The following GUCY1A2 variants were observed in gnomAD, a reference collection of about 807,000 sequenced individuals.
The protein encoded by GUCY1A2 is guanylate cyclase 1 soluble subunit alpha 2, also known as guanylate cyclase soluble subunit alpha-2.
In GUCY1A2, 27 loss-of-function variants were observed where a neutral mutation model predicts 63.5. The observed-to-expected ratio is 0.43, with a 90% CI of 0.31 to 0.59. GUCY1A2 has a LOEUF of 0.59. Ranked by LOEUF, GUCY1A2 falls within the 20% of genes least tolerant of loss-of-function variation. GUCY1A2 has a pLI of 0.11. For synonymous variants in GUCY1A2, 364 were observed against 343.5 expected (o/e 1.06, Z -0.66); for missense variants, 768 against 913.3 (o/e 0.84, Z 2.05).
At position 106,809,986 on chromosome 11, in the gene GUCY1A2, C is replaced by T. The variant is rs1428200948; in HGVS notation, c.1692+7G>A. ...ACATTTATATGTAAGTAACTAAACT[C>T]CCTTACCTTATAAATATCCAAAAAT... On this transcript the variant is annotated splice_region_variant and intron_variant, in intron 5 of 7. Coordinates refer to ENST00000526355, the MANE Select transcript of GUCY1A2 (RefSeq NM_000855.3). 6.4e-7 allele frequency: 1 copy of T among 1,572,478 alleles called. No individual in the cohort carries two copies. The highest frequency in any genetic ancestry group is 8.7e-7 in the Non-Finnish European group (1 of 1,145,646).
intron 4 of GUCY1A2, among the ~76,000 whole-genome samples, chr11:106,922,850 G>A (rs552794758): frequency 4.6e-5 from 7 of 151,644 alleles, no homozygotes; most frequent in Admixed American, 4.6e-4. Flanking sequence ...TGGAATAAAC[G>A]TTCAAAAATG....
chr11:106,696,716 T>G (rs2135340066), intron 7 of GUCY1A2, among the ~76,000 whole-genome samples: 1 of 152,236 alleles, frequency 6.6e-6, no homozygotes, highest in South Asian at 2.1e-4. Context: ...AGGGCATACT[T>G]TTTTCCTTTT....
chr11:106,940,850 C>T (rs1446615353), intron 3 of GUCY1A2, among the ~76,000 whole-genome samples: 7 of 152,086 alleles, frequency 4.6e-5, no homozygotes, highest in Non-Finnish European at 8.8e-5. Context: ...TTAATGATTT[C>T]CCCATTCTTC....
At chr11:106,861,462 C>T (rs1565312734) in intron 4 of GUCY1A2, among the ~76,000 whole-genome samples, 1 of 151,844 alleles carries the variant, frequency 6.6e-6, no homozygotes, top group Non-Finnish European at 1.5e-5. Flanking sequence ...ATAAACTTCC[C>T]ATTTGTCAGC....
chr11:106,937,676 C>A (rs2119968305), intron 4 of GUCY1A2, among the ~76,000 whole-genome samples: 1 of 152,262 alleles, frequency 6.6e-6, no homozygotes, highest in African/African-American at 2.4e-5. Context: ...TAACAAGTTT[C>A]TTCCATTCTA....
chr11:106,733,963 G>A (rs1007172764), intron 6 of GUCY1A2, among the ~76,000 whole-genome samples: 4 of 152,136 alleles, frequency 2.6e-5, no homozygotes, highest in Admixed American at 6.6e-5. Context: ...GCCACATGTA[G>A]ACTGTAGGCT....
intron 6 of GUCY1A2, among the ~76,000 whole-genome samples, chr11:106,722,559 G>T (rs1373091347): frequency 6.6e-6 from 1 of 151,922 alleles, no homozygotes; most frequent in Admixed American, 6.6e-5. Flanking sequence ...TAAATCTATG[G>T]ACTAGAATAT....
intron 3 of GUCY1A2, among the ~76,000 whole-genome samples, chr11:106,952,331 T>C (rs1051601747): frequency 6.6e-6 from 1 of 152,232 alleles, no homozygotes; most frequent in Admixed American, 6.5e-5. Context: ...CTTTGGGCAG[T>C]ATGGCTATTT....
intron 1 of GUCY1A2, among the ~76,000 whole-genome samples, chr11:107,002,388 G>GGTGTGT (rs71044205): frequency 0.03 from 4,498 of 149,090 alleles, 125 homozygotes; most frequent in African/African-American, 0.069. Context: ...AATAAGAACA[G>GGTGTGT]GTGTGTGTGT....
At chr11:106,773,421 A>G (rs1382527944) in intron 6 of GUCY1A2, among the ~76,000 whole-genome samples, 1 of 152,220 alleles carries the variant, frequency 6.6e-6, no homozygotes, top group Admixed American at 6.5e-5. Flanking sequence ...CAGTTTATCT[A>G]TCCTACTGTT....
chr11:107,010,575 T>C (rs1861729421), intron 1 of GUCY1A2, among the ~76,000 whole-genome samples: 1 of 152,188 alleles, frequency 6.6e-6, no homozygotes, highest in South Asian at 2.1e-4. Flanking sequence ...TCAAACAGGT[T>C]CGCATACTTG....
At chr11:106,884,933 C>G (rs1468899695) in intron 4 of GUCY1A2, among the ~76,000 whole-genome samples, 8 of 152,058 alleles carry the variant, frequency 5.3e-5, no homozygotes, top group South Asian at 2.1e-4. Flanking sequence ...TAGCTCAATT[C>G]CCGGCCTAGT....
At chr11:106,949,790 G>A (rs749485869) in intron 3 of GUCY1A2, among the ~76,000 whole-genome samples, 32 of 152,204 alleles carry the variant, frequency 2.1e-4, no homozygotes, top group Non-Finnish European at 3.8e-4. Flanking sequence ...CTAAGGTCCA[G>A]AAAGACAAAC....
At chr11:106,840,761 A>G (rs1859185074) in intron 4 of GUCY1A2, among the ~76,000 whole-genome samples, 1 of 152,002 alleles carries the variant, frequency 6.6e-6, no homozygotes, top group Non-Finnish European at 1.5e-5. Context: ...TTCCTTTTAA[A>G]AGATGTTATT....
At chr11:106,935,567 C>A (rs541859272) in intron 4 of GUCY1A2, among the ~76,000 whole-genome samples, 2 of 152,090 alleles carry the variant, frequency 1.3e-5, no homozygotes, top group Non-Finnish European at 2.9e-5. Flanking sequence ...TGGCCAAGTG[C>A]GGTGGCTCAC....
At chr11:106,910,636 TATA>T (rs1565328939) in intron 4 of GUCY1A2, among the ~76,000 whole-genome samples, 3 of 152,038 alleles carry the variant, frequency 2.0e-5, no homozygotes, top group Non-Finnish European at 4.4e-5. Context: ...GATATGTGAC[TATA>T]AAATGTGAAT....
At chr11:106,809,576 A>G (rs1410150958) in intron 5 of GUCY1A2, among the ~76,000 whole-genome samples, 2 of 152,172 alleles carry the variant, frequency 1.3e-5, no homozygotes, top group African/African-American at 4.8e-5. Context: ...CTGATTAGCC[A>G]TATTTGACAA....
chr11:106,746,710 T>A, intron 6 of GUCY1A2: 1 of 845,658 alleles, frequency 1.2e-6, no homozygotes, highest in Non-Finnish European at 1.9e-6. Flanking sequence ...TACTGTGACA[T>A]TTTTTATTTG....
At chr11:106,768,000 A>G (rs1864192403) in intron 6 of GUCY1A2, among the ~76,000 whole-genome samples, 1 of 152,198 alleles carries the variant, frequency 6.6e-6, no homozygotes, top group Non-Finnish European at 1.5e-5. Flanking sequence ...ACAATCCACA[A>G]CAAACAATAA....
Sources: allele counts gnomAD v4.1 joint callset (sites outside exome capture counted in the v4.1 genomes callset), GRCh38; gene constraint gnomAD v4.1.1; transcripts MANE v1.5; gene names NCBI Gene and HGNC (gene_info 2026-07-23, HGNC 2026-07-21).